The following SPMIP2 variants were observed in gnomAD, a reference collection of about 807,000 sequenced individuals.
SPMIP2 encodes the protein sperm microtubule inner protein 2, also known as protein SPMIP2.
the SPMIP2 span, among the ~76,000 whole-genome samples, chr4:158,944,410 G>C: frequency 6.6e-6 from 1 of 152,062 alleles, no homozygotes; most frequent in Admixed American, 6.5e-5. Context: ...GGTCTCCTCT[G>C]CTTCTGCTGT....
the SPMIP2 span, among the ~76,000 whole-genome samples, chr4:159,019,314 A>AAT: frequency 7.2e-6 from 1 of 139,210 alleles, no homozygotes; most frequent in Non-Finnish European, 1.5e-5. Flanking sequence ...AAAAAAAAAA[A>AAT]GCAAACCATA....
chr4:158,937,722 C>T, the SPMIP2 span, among the ~76,000 whole-genome samples: 1 of 152,158 alleles, frequency 6.6e-6, no homozygotes. Flanking sequence ...GTATGAGGTC[C>T]TCTGGGAACC....
the SPMIP2 span, among the ~76,000 whole-genome samples, chr4:159,046,414 A>G: frequency 6.6e-6 from 1 of 152,194 alleles, no homozygotes; most frequent in African/African-American, 2.4e-5. Flanking sequence ...AGGGCATTAC[A>G]AAGGGCATGA....
the SPMIP2 span, among the ~76,000 whole-genome samples, chr4:159,018,377 T>C: frequency 9.2e-5 from 14 of 152,312 alleles, no homozygotes; most frequent in South Asian, 2.9e-3. Flanking sequence ...GGGAAGGGAA[T>C]CTAGGACATG....
chr4:158,927,562 G>A, the SPMIP2 span, among the ~76,000 whole-genome samples: 33 of 152,304 alleles, frequency 2.2e-4, no homozygotes, highest in South Asian at 4.8e-3. Flanking sequence ...GCCCTCCCTC[G>A]CTCTCGGCGC....
chr4:159,026,396 CA>C, the SPMIP2 span: 1 of 939,108 alleles, frequency 1.1e-6, no homozygotes, highest in Non-Finnish European at 1.7e-6. Context: ...ACAGATGGAT[CA>C]TTGGTTCAGC....
chr4:158,899,158 T>C, the SPMIP2 span, among the ~76,000 whole-genome samples: 1 of 152,198 alleles, frequency 6.6e-6, no homozygotes, highest in Non-Finnish European at 1.5e-5. Flanking sequence ...CTTTATTGAT[T>C]TGTGTATGTT....
the SPMIP2 span, among the ~76,000 whole-genome samples, chr4:159,029,243 TCA>T: frequency 6.6e-6 from 1 of 152,202 alleles, no homozygotes; most frequent in Non-Finnish European, 1.5e-5. Context: ...AGATTAAAAC[TCA>T]CAGTTATCGA....
the SPMIP2 span, among the ~76,000 whole-genome samples, chr4:158,986,308 A>G: frequency 6.6e-6 from 1 of 152,052 alleles, no homozygotes. Flanking sequence ...TGGAACCAAA[A>G]AAGAGCCCGC....
At chr4:159,006,250 A>C in the SPMIP2 span, among the ~76,000 whole-genome samples, 43,348 of 152,088 alleles carry the variant, frequency 0.29, 6,275 homozygotes, top group African/African-American at 0.31. Flanking sequence ...TATTTGTTAG[A>C]GAGGGAGAGG....
At chr4:159,018,829 GCCT>G in the SPMIP2 span, among the ~76,000 whole-genome samples, 1 of 152,136 alleles carries the variant, frequency 6.6e-6, no homozygotes, top group African/African-American at 2.4e-5. Flanking sequence ...AGTGGCTCAC[GCCT>G]GTAATCCCAG....
At chr4:158,990,318 G>A in the SPMIP2 span, among the ~76,000 whole-genome samples, 2 of 152,180 alleles carry the variant, frequency 1.3e-5, no homozygotes, top group Non-Finnish European at 2.9e-5. Flanking sequence ...AGACAGTGTG[G>A]CAATTCTTCA....
the SPMIP2 span, chr4:158,915,180 T>C: frequency 6.2e-7 from 1 of 1,611,752 alleles, no homozygotes; most frequent in Non-Finnish European, 8.5e-7. Context: ...CTTTTCCTTT[T>C]TTGGTAGCTT....
the SPMIP2 span, among the ~76,000 whole-genome samples, chr4:159,009,909 C>A: frequency 6.6e-6 from 1 of 152,062 alleles, no homozygotes; most frequent in Non-Finnish European, 1.5e-5. Context: ...TCACTTGAGT[C>A]CAGGAGGTTG....
the SPMIP2 span, among the ~76,000 whole-genome samples, chr4:158,899,094 A>C: frequency 6.6e-6 from 1 of 152,126 alleles, no homozygotes; most frequent in African/African-American, 2.4e-5. Flanking sequence ...GCATCTATTG[A>C]GATGAGATAA....
chr4:158,905,836 T>C, the SPMIP2 span: 2 of 152,212 alleles, frequency 1.3e-5, no homozygotes, highest in Non-Finnish European at 2.9e-5. Context: ...GGAGCTAAGC[T>C]AGCAAAGCAA....
At chr4:158,983,993 T>A in the SPMIP2 span, among the ~76,000 whole-genome samples, 831 of 105,448 alleles carry the variant, frequency 7.9e-3, 9 homozygotes, top group Middle Eastern at 0.038. Context: ...GGGGTTGCAA[T>A]CCTAGTCTCT....
the SPMIP2 span, chr4:159,026,321 C>A: frequency 3.2e-6 from 2 of 618,644 alleles, no homozygotes; most frequent in Non-Finnish European, 6.2e-6. Context: ...TTTTCTCGTA[C>A]CCTGGGAGAG....
the SPMIP2 span, among the ~76,000 whole-genome samples, chr4:158,917,731 T>C: frequency 7.1e-6 from 1 of 139,972 alleles, no homozygotes; most frequent in African/African-American, 2.7e-5. Context: ...TTTTTTTTTT[T>C]TTTTTTTTTT....
Sources: gnomAD v4.1 joint callset for allele counts (sites outside exome capture counted in the v4.1 genomes callset) on GRCh38, gnomAD v4.1.1 for gene constraint, MANE v1.5 for transcripts, NCBI Gene and HGNC (gene_info 2026-07-23, HGNC 2026-07-21) for gene names.